HEATR5B: variants seen among roughly 807,000 people sequenced by gnomAD.
The protein encoded by HEATR5B is HEAT repeat-containing protein 5B.
HEATR5B carries 156 observed loss-of-function variants against 224.1 expected under a neutral mutation model. That is an observed-to-expected ratio of 0.70 (90% CI 0.61 to 0.80). The LOEUF (loss-of-function observed/expected upper bound fraction) is 0.80. Ranked by LOEUF, HEATR5B falls within the 30% of genes least tolerant of loss-of-function variation. The pLI is 0.00. For synonymous variants in HEATR5B, 1,027 were observed against 893.0 expected (o/e 1.15, Z -2.68); for missense variants, 2,323 against 2,535.5 (o/e 0.92, Z 1.80).
At chr2:37,073,864 C>G (rs1042287781) in intron 5 of HEATR5B, among the ~76,000 whole-genome samples, 2 of 152,078 alleles carry the variant, frequency 1.3e-5, no homozygotes, top group African/African-American at 4.8e-5. Flanking sequence ...ACACTTATTA[C>G]AAAGGAACTG....
At chr2:37,009,144 G>C (rs1047885074) in intron 27 of HEATR5B, among the ~76,000 whole-genome samples, 6 of 150,594 alleles carry the variant, frequency 4.0e-5, no homozygotes, top group African/African-American at 1.5e-4. Flanking sequence ...TGTAGTCCTA[G>C]CTACTCCAGA....
At chr2:37,028,203 A>C in intron 23 of HEATR5B, 29 bp from the exon 24 acceptor site, 2 of 1,460,812 alleles carry the variant, frequency 1.4e-6, no homozygotes, top group Non-Finnish European at 1.9e-6. Flanking sequence ...ATATTGTAAC[A>C]ATCTCACATA....
At chr2:37,042,629 T>G (rs574608462) in intron 18 of HEATR5B, among the ~76,000 whole-genome samples, 1 of 152,312 alleles carries the variant, frequency 6.6e-6, no homozygotes, top group African/African-American at 2.4e-5. Context: ...CAGTGGCTCA[T>G]GCCTGTAATC....
chr2:37,002,281 T>C, intron 32 of HEATR5B, 25 bp downstream of exon 32: 1 of 1,612,666 alleles, frequency 6.2e-7, no homozygotes, highest in South Asian at 1.1e-5. Context: ...TATAATGCAT[T>C]TCCAAATACT....
chr2:37,058,392 A>T (rs1671044957), intron 14 of HEATR5B, 59 bp downstream of exon 14: 1 of 960,184 alleles, frequency 1.0e-6, no homozygotes, highest in Admixed American at 1.8e-5. Context: ...AAGACTCTAT[A>T]ATACGGTGAA....
chr2:37,051,076 G>C (rs1161865993), intron 17 of HEATR5B, among the ~76,000 whole-genome samples: 2 of 149,976 alleles, frequency 1.3e-5, no homozygotes, highest in Admixed American at 1.3e-4. Context: ...CAAATGAGGT[G>C]GCCGGGTGCA....
chr2:37,078,902 T>C (rs1672386440), intron 3 of HEATR5B, among the ~76,000 whole-genome samples: 1 of 152,232 alleles, frequency 6.6e-6, no homozygotes, highest in African/African-American at 2.4e-5. Flanking sequence ...CTACCTATTT[T>C]ACACTGTCAT....
chr2:37,037,605 T>C (rs1018280111), intron 21 of HEATR5B, among the ~76,000 whole-genome samples: 11 of 152,168 alleles, frequency 7.2e-5, no homozygotes, highest in African/African-American at 2.4e-4. Flanking sequence ...AGGGTGACTA[T>C]AGTCAATAAT....
At chr2:37,064,668 A>C in intron 10 of HEATR5B, 72 bp downstream of exon 10, 1 of 1,516,100 alleles carries the variant, frequency 6.6e-7, no homozygotes, top group Non-Finnish European at 9.0e-7. Flanking sequence ...GTTCAACACT[A>C]AACACAGCAG....
chr2:36,985,587 A>C (rs1665896301), intron 35 of HEATR5B, among the ~76,000 whole-genome samples: 2 of 139,744 alleles, frequency 1.4e-5, no homozygotes, highest in South Asian at 4.6e-4. Context: ...CCTCATGAGT[A>C]GCTGGGACTA....
chr2:37,043,775 G>GA (rs1364169042), intron 18 of HEATR5B, among the ~76,000 whole-genome samples: 4 of 152,070 alleles, frequency 2.6e-5, no homozygotes, highest in African/African-American at 4.8e-5. Flanking sequence ...CTTATGTTGA[G>GA]AAAAAAAGTT....
At chr2:37,026,902 G>A (rs1225894320) in intron 24 of HEATR5B, among the ~76,000 whole-genome samples, 4 of 152,154 alleles carry the variant, frequency 2.6e-5, no homozygotes, top group South Asian at 4.2e-4. Context: ...AGGTTCAAGC[G>A]ATTCTCCTGA....
intron 33 of HEATR5B, among the ~76,000 whole-genome samples, chr2:36,994,525 A>C (rs1420762233): frequency 6.6e-6 from 1 of 152,204 alleles, no homozygotes; most frequent in Non-Finnish European, 1.5e-5. Flanking sequence ...ATATACAAAT[A>C]TGCCTGTGGC....
rs758483999 is a variant in HEATR5B, at chr2:37,000,687, A to G, written c.5444T>C (p.Ile1815Thr). 9.3e-6 allele frequency: 15 copies of G among 1,614,080 alleles called. No individual in the cohort carries two copies. Among genetic ancestry groups the G allele is most frequent in the East Asian group, 2.2e-5 (1 of 44,902 alleles). Residue 1815 changes from isoleucine to threonine, a missense_variant, in exon 33 of 36, where the codon ATT becomes ACT. By Grantham distance (89) the Ile-to-Thr change is moderately conservative. Transcript: ENST00000233099. The part of the protein sequence containing the change: ...VSAALQGIKS[I>T]VTLSMAKTEA... Reference sequence around the variant, plus strand: ...AGTTTTGGCCATTGAAAGTGTCACAATACTTTTAATCCCTTGAAGAGCTGC... The same window carrying G: ...AGTTTTGGCCATTGAAAGTGTCACAGTACTTTTAATCCCTTGAAGAGCTGC...
At chr2:36,991,315 T>C (rs1214768848) in intron 33 of HEATR5B, among the ~76,000 whole-genome samples, 1 of 151,020 alleles carries the variant, frequency 6.6e-6, no homozygotes, top group Non-Finnish European at 1.5e-5. Context: ...CCACCTGAGG[T>C]TGGGAGTTCG....
At chr2:37,072,404 C>T in intron 5 of HEATR5B, 123 bp from the exon 6 acceptor site, 1 of 620,182 alleles carries the variant, frequency 1.6e-6, no homozygotes, top group Non-Finnish European at 2.7e-6. Context: ...ATAAATGAAA[C>T]AACAGTTTTC....
chr2:37,062,248 G>A (rs983380685), intron 10 of HEATR5B, among the ~76,000 whole-genome samples, 198 bp from the exon 11 acceptor site: 2 of 152,012 alleles, frequency 1.3e-5, no homozygotes, highest in Non-Finnish European at 1.5e-5. Context: ...GCAACACGGT[G>A]AAACCCTGTC....
intron 18 of HEATR5B, among the ~76,000 whole-genome samples, chr2:37,049,413 A>C (rs1670397313): frequency 6.6e-6 from 1 of 152,216 alleles, no homozygotes; most frequent in African/African-American, 2.4e-5. Flanking sequence ...GATTTCATTA[A>C]GCAACATTCA....
At chr2:37,059,340 A>G (rs1481342933) in intron 12 of HEATR5B, among the ~76,000 whole-genome samples, 1 of 148,424 alleles carries the variant, frequency 6.7e-6, no homozygotes, top group Non-Finnish European at 1.5e-5. Flanking sequence ...ACAATGCCTT[A>G]AAATTTACAT....
Sources: allele counts gnomAD v4.1 joint callset (sites outside exome capture counted in the v4.1 genomes callset), GRCh38; gene constraint gnomAD v4.1.1; transcripts MANE v1.5; gene names NCBI Gene and HGNC (gene_info 2026-07-23, HGNC 2026-07-21).